Variants in HYCC2 observed in about 807,000 individuals in gnomAD.
HYCC2 encodes hyccin 2.
At chr2:200,991,664 G>T in the HYCC2 span, among the ~76,000 whole-genome samples, 39 of 152,120 alleles carry the variant, frequency 2.6e-4, no homozygotes, top group African/African-American at 9.4e-4. Flanking sequence ...GAACCCATGA[G>T]GCAGAGGTTC....
At chr2:201,018,031 A>G in the HYCC2 span, among the ~76,000 whole-genome samples, 1 of 152,214 alleles carries the variant, frequency 6.6e-6, no homozygotes, top group African/African-American at 2.4e-5. Flanking sequence ...TTTAAAACTG[A>G]CTTAAATTTT....
the HYCC2 span, among the ~76,000 whole-genome samples, chr2:201,024,459 G>C: frequency 1.3e-5 from 2 of 151,578 alleles, no homozygotes; most frequent in Non-Finnish European, 2.9e-5. Flanking sequence ...ACTGCATTCT[G>C]GCCTGGGCGA....
At chr2:200,978,162 A>T in the HYCC2 span, 1 of 152,212 alleles carries the variant, frequency 6.6e-6, no homozygotes, top group African/African-American at 2.4e-5. Context: ...AACTATTTTA[A>T]ATTAAATGCC....
At chr2:200,977,044 A>G in the HYCC2 span, 3 of 152,234 alleles carry the variant, frequency 2.0e-5, no homozygotes, top group Non-Finnish European at 4.4e-5. Flanking sequence ...ATTCAACTAT[A>G]AAATGGCAGC....
chr2:201,049,599 C>T, the HYCC2 span, among the ~76,000 whole-genome samples: 2 of 151,964 alleles, frequency 1.3e-5, no homozygotes, highest in Non-Finnish European at 2.9e-5. Context: ...GTGATCCACC[C>T]GCCTTGGCCT....
the HYCC2 span, among the ~76,000 whole-genome samples, chr2:201,070,948 C>T: frequency 2.0e-5 from 3 of 152,280 alleles, no homozygotes; most frequent in East Asian, 3.9e-4. Context: ...GGGATAAGCT[C>T]TTCGTGACTA....
At chr2:200,988,488 G>T in the HYCC2 span, 1 of 1,190,300 alleles carries the variant, frequency 8.4e-7, no homozygotes, top group South Asian at 1.6e-5. Context: ...TACTACATGT[G>T]TCCATAATTT....
chr2:201,022,449 T>A, the HYCC2 span: 5 of 223,652 alleles, frequency 2.2e-5, no homozygotes, highest in South Asian at 5.7e-5. Flanking sequence ...CCTAGTTATA[T>A]ATTATCAGTA....
the HYCC2 span, among the ~76,000 whole-genome samples, chr2:201,043,004 T>TG: frequency 1.3e-5 from 2 of 151,968 alleles, no homozygotes; most frequent in Non-Finnish European, 2.9e-5. Flanking sequence ...GGGGGAAATG[T>TG]GGGGAAAAGA....
At chr2:201,029,596 G>A in the HYCC2 span, among the ~76,000 whole-genome samples, 2 of 152,200 alleles carry the variant, frequency 1.3e-5, no homozygotes, top group African/African-American at 2.4e-5. Flanking sequence ...ATACTATGCA[G>A]CCATAAAAAA....
the HYCC2 span, among the ~76,000 whole-genome samples, chr2:201,006,586 C>T: frequency 6.6e-6 from 1 of 152,000 alleles, no homozygotes; most frequent in Non-Finnish European, 1.5e-5. Flanking sequence ...GCCACTCCTG[C>T]TTTTAGAACT....
the HYCC2 span, among the ~76,000 whole-genome samples, chr2:201,052,657 T>C: frequency 2.0e-5 from 3 of 152,164 alleles, no homozygotes; most frequent in Non-Finnish European, 2.9e-5. Context: ...CAGTTTTCAT[T>C]ACACTGGGCA....
the HYCC2 span, among the ~76,000 whole-genome samples, chr2:200,986,645 A>G: frequency 2.0e-5 from 3 of 152,230 alleles, no homozygotes; most frequent in Admixed American, 2.0e-4. Flanking sequence ...CTCTACTAGG[A>G]TATCTGACCT....
At chr2:201,048,506 A>ATTTTT in the HYCC2 span, among the ~76,000 whole-genome samples, 11 of 141,818 alleles carry the variant, frequency 7.8e-5, no homozygotes, top group African/African-American at 2.4e-4. Context: ...TTTTTTTGCA[A>ATTTTT]TTTTTTTTTT....
the HYCC2 span, among the ~76,000 whole-genome samples, chr2:200,988,750 C>T: frequency 6.6e-6 from 1 of 152,160 alleles, no homozygotes; most frequent in Admixed American, 6.5e-5. Context: ...AATTTAATCT[C>T]TGATAAACAT....
chr2:201,010,067 G>GC, the HYCC2 span, among the ~76,000 whole-genome samples: 3 of 146,588 alleles, frequency 2.0e-5, no homozygotes, highest in Non-Finnish European at 4.5e-5. Context: ...TCGCGCCACT[G>GC]CACTCCATCC....
chr2:201,011,177 A>G, the HYCC2 span, among the ~76,000 whole-genome samples: 1 of 152,018 alleles, frequency 6.6e-6, no homozygotes, highest in Non-Finnish European at 1.5e-5. Context: ...CAAAAAAGAT[A>G]CTGATAGAAG....
chr2:201,035,989 G>A, the HYCC2 span, among the ~76,000 whole-genome samples: 6 of 152,058 alleles, frequency 3.9e-5, no homozygotes, highest in Admixed American at 6.6e-5. Flanking sequence ...GTACCCGGCC[G>A]TGTGAGGTGT....
At chr2:201,014,217 A>C in the HYCC2 span, among the ~76,000 whole-genome samples, 2 of 152,248 alleles carry the variant, frequency 1.3e-5, no homozygotes, top group Non-Finnish European at 2.9e-5. Flanking sequence ...ACACATTAAT[A>C]AAAATGATAG....
Sources: allele counts gnomAD v4.1 joint callset (sites outside exome capture counted in the v4.1 genomes callset), GRCh38; gene constraint gnomAD v4.1.1; transcripts MANE v1.5; gene names NCBI Gene and HGNC (gene_info 2026-07-23, HGNC 2026-07-21).